NR5A2: variants seen among roughly 807,000 people sequenced by gnomAD.
The protein encoded by NR5A2 is CYP7A promoter-binding factor.
Under a neutral mutation model 62.7 loss-of-function variants are expected in NR5A2, and 26 were observed. The observed-to-expected ratio is 0.41, with a 90% CI of 0.30 to 0.58. The LOEUF (loss-of-function observed/expected upper bound fraction) is 0.58. Among genes scored for constraint, NR5A2 ranks in the 20% least tolerant of loss-of-function variants. NR5A2 has a pLI of 0.22. For missense variants in NR5A2, 541 were observed against 669.1 expected, an observed-to-expected ratio of 0.81 and a Z score of 2.11; for synonymous variants, 246 against 241.7, an observed-to-expected ratio of 1.02 and a Z score of -0.16.
chr1:200,064,167 C>T lies in NR5A2; in HGVS notation c.1110+15349C>T, dbSNP rs113648447. ...CCATCTCAAAAAAAAAAAAAAAGGA[C>T]GAGAGCCGTCTTCACTTTACAAGTT... On this transcript the variant is annotated intron_variant, in intron 5 of 7. Transcript: ENST00000367362. Among the ~76,000 whole-genome samples, 720 of 151,300 alleles carry T rather than the reference C, an allele frequency of 4.8e-3. 13 individuals carry two copies. The highest frequency in any genetic ancestry group is 0.017 in the African/African-American group (686 of 41,244).
rs1381790000 is a variant in NR5A2, at chr1:200,175,486, T to G, written c.*1276T>G. 6.5e-6 allele frequency: 1 copy of G among 152,684 alleles called. No individual in the cohort carries two copies. The highest frequency in any genetic ancestry group is 2.4e-5 in the African/African-American group (1 of 41,464). The allele number at this position is 152,684 out of a possible 1,614,324, so 9.5% of individuals were successfully genotyped here. ...AAGAATCGCAAATTCTTCAAATGAC[T>G]ATTATCAGTATTATTAACATGCGAT... On this transcript the variant is annotated 3_prime_UTR_variant, in exon 8 of 8. Coordinates refer to ENST00000367362, the MANE Select transcript of NR5A2 (RefSeq NM_205860.3).
intron 5 of NR5A2, among the ~76,000 whole-genome samples, chr1:200,090,680 G>A (rs773732627): frequency 9.9e-5 from 15 of 152,142 alleles, no homozygotes; most frequent in Non-Finnish European, 2.1e-4. Flanking sequence ...GGGACATCCA[G>A]GGGAACAAAA....
chr1:200,166,730 T>C (rs1312529893), intron 7 of NR5A2, among the ~76,000 whole-genome samples: 1 of 152,220 alleles, frequency 6.6e-6, no homozygotes, highest in Non-Finnish European at 1.5e-5. Context: ...GAGACAGGCC[T>C]GGTCATAAAT....
intron 7 of NR5A2, among the ~76,000 whole-genome samples, chr1:200,164,111 A>G (rs1369855825): frequency 1.3e-5 from 2 of 152,194 alleles, no homozygotes; most frequent in East Asian, 1.9e-4. Flanking sequence ...TGCCTTCACC[A>G]TGTGATGTGC....
intron 1 of NR5A2, among the ~76,000 whole-genome samples, chr1:200,034,105 G>T (rs754109064): frequency 6.6e-6 from 1 of 152,102 alleles, no homozygotes; most frequent in Non-Finnish European, 1.5e-5. Flanking sequence ...GAATAATCTC[G>T]TGCTAAGGAT....
At chr1:200,170,613 GGTCTACCTGTCTGTCAGGTCCA>G (rs1654129666) in intron 7 of NR5A2, among the ~76,000 whole-genome samples, 1 of 152,042 alleles carries the variant, frequency 6.6e-6, no homozygotes, top group African/African-American at 2.4e-5. Context: ...GAAAATCCAG[GGTCTACCTGTCTGTCAGGTCCA>G]GTCCGCAGCA....
At chr1:200,106,346 C>G (rs1665665909) in intron 5 of NR5A2, among the ~76,000 whole-genome samples, 1 of 152,154 alleles carries the variant, frequency 6.6e-6, no homozygotes, top group Non-Finnish European at 1.5e-5. Flanking sequence ...CGTGAGCCAC[C>G]ATGCCCGGCC....
intron 7 of NR5A2, among the ~76,000 whole-genome samples, chr1:200,166,604 T>A (rs1226553088): frequency 6.6e-6 from 1 of 152,162 alleles, no homozygotes; most frequent in Non-Finnish European, 1.5e-5. Context: ...CTTGCAGGCA[T>A]TGACACAATA....
In NR5A2 at chr1:200,031,912, A is replaced by G. The variant is rs1661564526; in HGVS notation, c.64+4001A>G. 3.9e-5 allele frequency among the ~76,000 whole-genome samples: 6 copies of G among 152,240 alleles called. No individual in the cohort carries two copies. In the South Asian group the frequency reaches 1.2e-3, roughly 32 times the overall value. Reference sequence around the variant, plus strand: ...CACCTCTTCTAACAAACCAAGAGAGATTTATAGAGGAAGGGAGAACAGAGG... The same window carrying G: ...CACCTCTTCTAACAAACCAAGAGAGGTTTATAGAGGAAGGGAGAACAGAGG... On this transcript the variant is annotated intron_variant, in intron 1 of 7. Coordinates refer to ENST00000367362, the MANE Select transcript of NR5A2 (RefSeq NM_205860.3).
rs965677952 is a variant in NR5A2 at position 200,112,461 on chromosome 1, T to C, written c.1230+1140T>C. Among the ~76,000 whole-genome samples, 3 of 152,354 alleles carry C rather than the reference T, an allele frequency of 2.0e-5. No homozygotes were observed. The South Asian group carries it at 6.2e-4, about 32-fold the overall frequency. On this transcript the variant is annotated intron_variant, in intron 6 of 7. Transcript: ENST00000367362. ...GTGACTTCAGTACTCGGCACCATGA[T>C]CTTTTATGTTCAGCCATAAATGTTT...
chr1:200,150,186 A>T (rs1267994702), intron 7 of NR5A2, among the ~76,000 whole-genome samples: 1 of 152,236 alleles, frequency 6.6e-6, no homozygotes, highest in Non-Finnish European at 1.5e-5. Context: ...AGAATGACAC[A>T]TAAAAGGAAA....
At chr1:200,171,719 A>G (rs981848545) in intron 7 of NR5A2, among the ~76,000 whole-genome samples, 1 of 152,228 alleles carries the variant, frequency 6.6e-6, no homozygotes, top group African/African-American at 2.4e-5. Flanking sequence ...ACTGCACTAC[A>G]GCCTGGCAAC....
chr1:200,163,030 C>T (rs574949892), intron 7 of NR5A2, among the ~76,000 whole-genome samples: 133 of 152,176 alleles, frequency 8.7e-4, no homozygotes, highest in Non-Finnish European at 1.5e-3. Flanking sequence ...ATTGAACACA[C>T]TGAAATAAAA....
Position 200,074,722 on chromosome 1 carries a change from G to GC in NR5A2, c.1110+25905dup, listed in dbSNP as rs1663931267. Among the ~76,000 whole-genome samples, 5 of 85,448 alleles carry GC rather than the reference G, an allele frequency of 5.9e-5. No homozygotes were observed. In the South Asian group the frequency reaches 2.6e-3, roughly 44 times the overall value. 56.1% of individuals were successfully genotyped at this position (85,448 alleles called of 152,430 possible). On this transcript the variant is annotated intron_variant, in intron 5 of 7. Transcript: ENST00000367362. ...ACTGCACTCCAGTCTGGGCGACAGG[G>GC]CGAGAGTCCATCTCAAAAAAAAAAA...
In NR5A2 at chr1:200,048,440, C is replaced by T; in HGVS notation, c.732C>T (p.Pro244=). 1 of 1,614,200 alleles carries T rather than the reference C, an allele frequency of 6.2e-7. No individual in the cohort carries two copies. The highest frequency in any genetic ancestry group is 8.5e-7 in the Non-Finnish European group (1 of 1,180,032). ...ACAGAAGTCCCTTTGTAACATCCCC[C>T]ATTAGCATGACAATGCCCCCTCACG... ...DYDRSPFVTS[P]ISMTMPPHGS... Residue 244 remains proline (P), a synonymous_variant, in exon 5 of 8, where the codon CCC becomes CCT. Coordinates refer to ENST00000367362, the MANE Select transcript of NR5A2 (RefSeq NM_205860.3). This position sits in a 1 kb window ranked among gnomAD's most constrained non-coding sequence, Gnocchi z 4.8.
intron 5 of NR5A2, among the ~76,000 whole-genome samples, chr1:200,097,683 G>A (rs1456769639): frequency 6.6e-6 from 1 of 152,192 alleles, no homozygotes; most frequent in Non-Finnish European, 1.5e-5. Context: ...GGATTGTCTT[G>A]GGACTGACCT....
intron 7 of NR5A2, among the ~76,000 whole-genome samples, chr1:200,137,258 C>T (rs940008883): frequency 6.6e-6 from 1 of 151,958 alleles, no homozygotes; most frequent in South Asian, 2.1e-4. Flanking sequence ...TCAAGCAGTT[C>T]TCCTGCCTCA....
chr1:200,088,919 T>C (rs1046412527), intron 5 of NR5A2, among the ~76,000 whole-genome samples: 2 of 152,190 alleles, frequency 1.3e-5, no homozygotes, highest in African/African-American at 4.8e-5. Flanking sequence ...AAATTCCTTC[T>C]GGCCCAGACT....
chr1:200,079,286 C>G (rs540928376), intron 5 of NR5A2, among the ~76,000 whole-genome samples: 142 of 152,332 alleles, frequency 9.3e-4, no homozygotes, highest in Middle Eastern at 6.8e-3. Flanking sequence ...TCACCTGGCT[C>G]ATGTGTGACA....
Sources: gnomAD v4.1 joint callset for allele counts (sites outside exome capture counted in the v4.1 genomes callset) on GRCh38, gnomAD v4.1.1 for gene constraint, Gnocchi (gnomAD v3.1) non-coding constraint, MANE v1.5 for transcripts, NCBI Gene and HGNC (gene_info 2026-07-23, HGNC 2026-07-21) for gene names.